The following PTPRE variants were observed in gnomAD, a reference collection of about 807,000 sequenced individuals.
The protein encoded by PTPRE is protein tyrosine phosphatase receptor type E.
In PTPRE, 51 loss-of-function variants were observed where a neutral mutation model predicts 102.0. The ratio of observed to expected loss-of-function variants is 0.50; its 90% CI spans 0.40 to 0.63. The LOEUF (loss-of-function observed/expected upper bound fraction) is 0.63, where lower values mean the gene tolerates loss of function less well. Among genes scored for constraint, PTPRE ranks in the 30% least tolerant of loss-of-function variants. The probability of loss-of-function intolerance (pLI) is 0.00; values close to 1 mark genes in which losing one functional copy is unlikely to be tolerated. For synonymous variants in PTPRE, 345 were observed against 348.2 expected (o/e 0.99, Z 0.10); for missense variants, 752 against 915.1 (o/e 0.82, Z 2.30).
intron 1 of PTPRE, among the ~76,000 whole-genome samples, chr10:127,962,872 G>C (rs1373169340): frequency 6.6e-6 from 1 of 152,206 alleles, no homozygotes; most frequent in Non-Finnish European, 1.5e-5. Context: ...CTTAGGTCAC[G>C]CCCAGGTGCA....
At chr10:128,065,738 G>A (rs1850026318) in intron 10 of PTPRE, among the ~76,000 whole-genome samples, 1 of 152,210 alleles carries the variant, frequency 6.6e-6, no homozygotes, top group African/African-American at 2.4e-5. Context: ...CTTGGAGTTA[G>A]GTGCCCAGCT....
chr10:127,987,869 C>A (rs1852228735), intron 2 of PTPRE, among the ~76,000 whole-genome samples: 1 of 152,212 alleles, frequency 6.6e-6, no homozygotes, highest in South Asian at 2.1e-4. Flanking sequence ...ACACACAGAG[C>A]AAGTGTGAGG....
At chr10:127,943,080 T>C (rs1400506986) in intron 1 of PTPRE, among the ~76,000 whole-genome samples, 1 of 152,134 alleles carries the variant, frequency 6.6e-6, no homozygotes, top group Admixed American at 6.6e-5. Context: ...TCTTCCCAGC[T>C]CTGCCAGACA....
chr10:127,971,628 G>A (rs1850746508), intron 1 of PTPRE, among the ~76,000 whole-genome samples: 1 of 152,258 alleles, frequency 6.6e-6, no homozygotes, highest in Non-Finnish European at 1.5e-5. Flanking sequence ...ATCCCGGCCT[G>A]CAGCGAGTGC....
intron 1 of PTPRE, among the ~76,000 whole-genome samples, chr10:127,941,042 G>A (rs1387094434): frequency 6.6e-6 from 1 of 152,172 alleles, no homozygotes; most frequent in Non-Finnish European, 1.5e-5. Flanking sequence ...TGGCAGGGCA[G>A]GGTCTTGTCC....
intron 1 of PTPRE, among the ~76,000 whole-genome samples, chr10:127,918,324 C>T (rs962974048): frequency 1.3e-5 from 2 of 151,906 alleles, no homozygotes; most frequent in African/African-American, 4.8e-5. Context: ...TTTTGGAGGC[C>T]GAGGTGGCCA....
At chr10:128,042,046 A>G (rs1795342820) in intron 3 of PTPRE, among the ~76,000 whole-genome samples, 1 of 152,174 alleles carries the variant, frequency 6.6e-6, no homozygotes, top group Non-Finnish European at 1.5e-5. Flanking sequence ...GAGAAATCCA[A>G]AACCCCAAAA....
chr10:127,931,783 A>G (rs1405404092), intron 1 of PTPRE, among the ~76,000 whole-genome samples: 1 of 152,224 alleles, frequency 6.6e-6, no homozygotes, highest in African/African-American at 2.4e-5. Context: ...GTATTTTATC[A>G]TCATTTATCA....
chr10:127,988,025 T>C (rs1318355044), intron 2 of PTPRE, among the ~76,000 whole-genome samples: 1 of 152,196 alleles, frequency 6.6e-6, no homozygotes, highest in African/African-American at 2.4e-5. Context: ...GCCAACTGCC[T>C]AAGGGGTGGC....
At chr10:128,060,881 A>G in intron 7 of PTPRE, 58 bp from the exon 8 acceptor site, 1 of 1,522,880 alleles carries the variant, frequency 6.6e-7, no homozygotes, top group Non-Finnish European at 9.1e-7. Context: ...TTTCTGGAAG[A>G]GACAGCACTG....
At chr10:128,017,386 C>A (rs1362525114) in intron 2 of PTPRE, among the ~76,000 whole-genome samples, 2 of 152,080 alleles carry the variant, frequency 1.3e-5, no homozygotes, top group East Asian at 3.9e-4. Context: ...CCCGAGCTGG[C>A]CTCAAAGAGG....
In PTPRE at chr10:127,924,307, C is replaced by A. The variant is rs568282568; in HGVS notation, c.-31+16998C>A. On this transcript the variant is annotated intron_variant, in intron 1 of 20. Transcript: ENST00000254667. ...ATGGTGCGATCTCGGCTCATTGCAA[C>A]CTTCGCCTCCCGGATTCAAGTGATT... is the stretch of plus-strand genomic sequence containing the variant. Among the ~76,000 whole-genome samples the A allele has an allele frequency of 2.0e-4, 31 of 152,132 alleles. 1 individual carries two copies. Among genetic ancestry groups the A allele is most frequent in the Middle Eastern group, 3.2e-3 (1 of 316 alleles).
intron 7 of PTPRE, among the ~76,000 whole-genome samples, chr10:128,059,388 C>T (rs902649915): frequency 4.6e-5 from 7 of 152,166 alleles, no homozygotes; most frequent in East Asian, 1.9e-4. Context: ...GCTCAACCAT[C>T]GGAGGTCGCA....
intron 1 of PTPRE, among the ~76,000 whole-genome samples, chr10:127,950,329 T>G (rs1848926235): frequency 6.6e-6 from 1 of 152,048 alleles, no homozygotes; most frequent in South Asian, 2.1e-4. Context: ...GTTTGTTTTA[T>G]TGGTTGGCTG....
intron 2 of PTPRE, among the ~76,000 whole-genome samples, chr10:128,029,562 C>T (rs59882725): frequency 0.1 from 15,929 of 152,302 alleles, 907 homozygotes; most frequent in Non-Finnish European, 0.13. Context: ...GATGACTTCC[C>T]TGAGGGCGGT....
chr10:128,045,210 G>A lies in PTPRE; in HGVS notation c.110-2180G>A, dbSNP rs999988975. ...GCCCTGTGACCCATCCCTTCTGCCC[G>A]TGTGCACGGCCCCTTTCTGGGCTTG... On this transcript the variant is annotated intron_variant, in intron 3 of 20. Transcript: ENST00000254667. Among the ~76,000 whole-genome samples the A allele has an allele frequency of 6.6e-5, 10 of 152,252 alleles. No individual in the cohort carries two copies. In the South Asian group the frequency reaches 8.3e-4, roughly 13 times the overall value.
chr10:128,037,957 A>ATTTTTTTTTT (rs34089996), intron 2 of PTPRE, among the ~76,000 whole-genome samples: 109 of 115,936 alleles, frequency 9.4e-4, no homozygotes, highest in South Asian at 1.8e-3. Flanking sequence ...TGTCCGGCTA[A>ATTTTTTTTTT]TTTTTTTTTT....
Position 128,070,519 on chromosome 10 carries a change from A to G in PTPRE, c.1293+69A>G. 6.5e-7 allele frequency: 1 copy of G among 1,544,650 alleles called. No homozygotes were observed. Among genetic ancestry groups the G allele is most frequent in the Non-Finnish European group, 8.7e-7 (1 of 1,143,884 alleles). Reference sequence around the variant, plus strand: ...AAGGGCACGAGGAAAACAGGTGACCATTTAAAGGAAGCCTCTTTCAATCAC... The same window carrying G: ...AAGGGCACGAGGAAAACAGGTGACCGTTTAAAGGAAGCCTCTTTCAATCAC... On this transcript the variant is annotated intron_variant, in intron 14 of 20. Coordinates refer to ENST00000254667, the MANE Select transcript of PTPRE (RefSeq NM_006504.6). The surrounding 1 kb of genome is among the most constrained non-coding windows in gnomAD (Gnocchi z 4.8).
chr10:128,020,040 G>GTA (rs1845743900), intron 2 of PTPRE, among the ~76,000 whole-genome samples: 1 of 122,530 alleles, frequency 8.2e-6, no homozygotes, highest in South Asian at 2.6e-4. Flanking sequence ...GTGTGTGTGT[G>GTA]TGTGTGCACG....
Sources: allele counts gnomAD v4.1 joint callset (sites outside exome capture counted in the v4.1 genomes callset), GRCh38; gene constraint gnomAD v4.1.1; non-coding constraint Gnocchi (gnomAD v3.1); transcripts MANE v1.5; gene names NCBI Gene and HGNC (gene_info 2026-07-23, HGNC 2026-07-21).